The following CYB5R4 variants were observed in gnomAD, a reference collection of about 807,000 sequenced individuals.
The protein encoded by CYB5R4 is cytochrome b5 reductase 4, also known as N-terminal cytochrome b5 and cytochrome b5 oxidoreductase domain-containing protein.
Under a neutral mutation model 70.2 loss-of-function variants are expected in CYB5R4, and 55 were observed. The ratio of observed to expected loss-of-function variants is 0.78; its 90% CI spans 0.63 to 0.98. The LOEUF is 0.98. Among genes scored for constraint, CYB5R4 ranks in the 50% least tolerant of loss-of-function variants. The pLI is 0.00. For synonymous variants in CYB5R4, 197 were observed against 199.5 expected (o/e 0.99, Z 0.11); for missense variants, 562 against 612.6 (o/e 0.92, Z 0.87).
At chr6:83,925,667 G>A (rs1276094733) in intron 10 of CYB5R4, among the ~76,000 whole-genome samples, 1 of 152,168 alleles carries the variant, frequency 6.6e-6, no homozygotes, top group South Asian at 2.1e-4. Flanking sequence ...CATCCTTCAT[G>A]CTGGGTATAC....
In CYB5R4 at chr6:83,965,101, G is replaced by A. The variant is rs2099473857; in HGVS notation, c.*5223G>A. The A allele has an allele frequency of 6.6e-6, 1 of 152,274 alleles. No homozygotes were observed. The highest frequency in any genetic ancestry group is 1.5e-5 in the Non-Finnish European group (1 of 68,098). 9.4% of individuals were successfully genotyped at this position (152,274 alleles called of 1,614,324 possible). Reference sequence around the variant, plus strand: ...ACCTCGGCTAGGGCAGTGCAGAAGGGAAATGTGGGGTTGGAGCCCCCTCAC... The same window carrying A: ...ACCTCGGCTAGGGCAGTGCAGAAGGAAAATGTGGGGTTGGAGCCCCCTCAC... On this transcript the variant is annotated 3_prime_UTR_variant, in exon 16 of 16. Coordinates refer to ENST00000369681, the MANE Select transcript of CYB5R4 (RefSeq NM_016230.4).
At chr6:83,868,563 A>C (rs1415007960) in intron 2 of CYB5R4, among the ~76,000 whole-genome samples, 1 of 152,188 alleles carries the variant, frequency 6.6e-6, no homozygotes, top group East Asian at 1.9e-4. Flanking sequence ...AATTATTGTA[A>C]TGCAGTAGTA....
At position 83,965,015 on chromosome 6, in the gene CYB5R4, G is replaced by A. The variant is rs1404269354; in HGVS notation, c.*5137G>A. The A allele has an allele frequency of 6.6e-6, 1 of 152,270 alleles. No individual in the cohort carries two copies. Among genetic ancestry groups the A allele is most frequent in the East Asian group, 1.9e-4 (1 of 5,194 alleles). The allele number at this position is 152,270 out of a possible 1,614,324, so 9.4% of individuals were successfully genotyped here. A position where few individuals can be genotyped will look rare whatever the true frequency, so the allele number is the denominator to read the frequency against. The stretch of plus-strand genomic sequence containing the variant: ...AACCTCTGTCTAGATTTCAGAAGAT[G>A]TATGGAAATGCCTGGATGCCCAGGC... On this transcript the variant is annotated 3_prime_UTR_variant, in exon 16 of 16. Coordinates refer to ENST00000369681, the MANE Select transcript of CYB5R4 (RefSeq NM_016230.4).
At chr6:83,948,643 T>C (rs9344380) in intron 14 of CYB5R4, among the ~76,000 whole-genome samples, 23,777 of 152,208 alleles carry the variant, frequency 0.16, 3,412 homozygotes, top group African/African-American at 0.37. Context: ...AAATTTTATT[T>C]TTTTAGGAAT....
chr6:83,889,923 G>C (rs912949680), intron 2 of CYB5R4, among the ~76,000 whole-genome samples: 1 of 152,076 alleles, frequency 6.6e-6, no homozygotes, highest in Non-Finnish European at 1.5e-5. Context: ...CTCTCATGAA[G>C]ACAGCACCAA....
At chr6:83,860,037 C>G (rs985522715) in intron 1 of CYB5R4, among the ~76,000 whole-genome samples, 180 bp downstream of exon 1, 1 of 152,152 alleles carries the variant, frequency 6.6e-6, no homozygotes, top group African/African-American at 2.4e-5. Context: ...CTCTCCTTAC[C>G]TCCTCCCTTT....
chr6:83,920,547 A>G (rs187323528), intron 7 of CYB5R4, among the ~76,000 whole-genome samples: 378 of 152,298 alleles, frequency 2.5e-3, no homozygotes, highest in African/African-American at 7.5e-3. Flanking sequence ...GTATTCATTG[A>G]ATAATATAAA....
intron 15 of CYB5R4, among the ~76,000 whole-genome samples, chr6:83,957,880 A>G (rs1036468027): frequency 4.2e-4 from 64 of 152,150 alleles, no homozygotes; most frequent in African/African-American, 1.4e-3. Context: ...CTCAGTTAGG[A>G]CTCATTTCTT....
At chr6:83,935,346 C>T (rs993081012) in intron 11 of CYB5R4, among the ~76,000 whole-genome samples, 1 of 151,962 alleles carries the variant, frequency 6.6e-6, no homozygotes, top group Non-Finnish European at 1.5e-5. Flanking sequence ...TTCTGGCAGT[C>T]GTCTAAAATG....
chr6:83,923,339 A>G (rs2099466720), intron 9 of CYB5R4, among the ~76,000 whole-genome samples: 1 of 152,150 alleles, frequency 6.6e-6, no homozygotes, highest in Non-Finnish European at 1.5e-5. Flanking sequence ...TTTTCCGTAT[A>G]TCATTATAGG....
intron 14 of CYB5R4, among the ~76,000 whole-genome samples, chr6:83,942,614 AC>A (rs2099469946): frequency 6.6e-6 from 1 of 152,110 alleles, no homozygotes; most frequent in Non-Finnish European, 1.5e-5. Context: ...GAGAGACAGA[AC>A]CATTCACTCC....
rs1588556863 is a variant in CYB5R4, at chr6:83,864,081, ATTTATAGAAGTG to A, written c.76-91_76-80del. On this transcript the variant is annotated intron_variant, in intron 1 of 15. Coordinates refer to ENST00000369681, the MANE Select transcript of CYB5R4 (RefSeq NM_016230.4). ...GACAGCCTCTTAAAACTGTAAAAGGATTTATAGAAGTGTTAGATTTGAGTTTTATTATCTTTT... is the reference window on the plus strand; with the variant it reads ...GACAGCCTCTTAAAACTGTAAAAGGATTAGATTTGAGTTTTATTATCTTTT... 7 of 1,146,980 alleles carry A rather than the reference ATTTATAGAAGTG, an allele frequency of 6.1e-6. No homozygotes were observed. The East Asian group carries it at 1.8e-4, about 30-fold the overall frequency. The allele number at this position is 1,146,980 out of a possible 1,614,324, so 71.1% of individuals were successfully genotyped here. A position where few individuals can be genotyped will look rare whatever the true frequency, so the allele number is the denominator to read the frequency against.
intron 5 of CYB5R4, among the ~76,000 whole-genome samples, chr6:83,917,771 G>C (rs1366598521): frequency 6.6e-6 from 1 of 152,056 alleles, no homozygotes; most frequent in Non-Finnish European, 1.5e-5. Context: ...TGTTACTCTT[G>C]AGGCAGGGGT....
At chr6:83,859,905 C>T (rs1013997483) in intron 1 of CYB5R4, 48 bp downstream of exon 1, 12 of 1,542,172 alleles carry the variant, frequency 7.8e-6, no homozygotes, top group Non-Finnish European at 1.1e-5. Flanking sequence ...GTTTCGAGCT[C>T]TGGCAGTGTG....
intron 2 of CYB5R4, among the ~76,000 whole-genome samples, chr6:83,879,578 G>T (rs1411881917): frequency 6.6e-6 from 1 of 152,112 alleles, no homozygotes; most frequent in East Asian, 1.9e-4. Flanking sequence ...TACCCTGGCA[G>T]TAGCTCATTA....
intron 11 of CYB5R4, among the ~76,000 whole-genome samples, chr6:83,935,322 G>C (rs2099468756): frequency 6.6e-6 from 1 of 152,016 alleles, no homozygotes; most frequent in South Asian, 2.1e-4. Context: ...AAATTCTCCT[G>C]TCAGCTGTAG....
intron 10 of CYB5R4, among the ~76,000 whole-genome samples, chr6:83,931,147 A>G (rs906237551): frequency 6.6e-6 from 1 of 152,228 alleles, no homozygotes; most frequent in Admixed American, 6.5e-5. Context: ...CATTGCATCC[A>G]CAACTTGGCT....
In CYB5R4 at chr6:83,964,915, AAAGCCTT is replaced by A. The variant is rs1249575896; in HGVS notation, c.*5045_*5051del. Reference sequence around the variant, plus strand: ...GCTCAGGCCATGGCTTCAGAGGGTGAAAGCCTTAAGCCTTGGCAACTTCCATGTGATG... The same window carrying A: ...GCTCAGGCCATGGCTTCAGAGGGTGAAAGCCTTGGCAACTTCCATGTGATG... On this transcript the variant is annotated 3_prime_UTR_variant, in exon 16 of 16. Coordinates refer to ENST00000369681, the MANE Select transcript of CYB5R4 (RefSeq NM_016230.4). 1 of 152,222 alleles carries A rather than the reference AAAGCCTT, an allele frequency of 6.6e-6. No individual in the cohort carries two copies. The highest frequency in any genetic ancestry group is 6.5e-5 in the Admixed American group (1 of 15,276). The allele number at this position is 152,222 out of a possible 1,614,324, so 9.4% of individuals were successfully genotyped here.
At chr6:83,860,121 G>A (rs556920912) in intron 1 of CYB5R4, among the ~76,000 whole-genome samples, 1 of 151,616 alleles carries the variant, frequency 6.6e-6, no homozygotes, top group South Asian at 2.1e-4. Context: ...CCTTTCCCGC[G>A]ATTTAAATTT....
Sources: gnomAD v4.1 joint callset for allele counts (sites outside exome capture counted in the v4.1 genomes callset) on GRCh38, gnomAD v4.1.1 for gene constraint, MANE v1.5 for transcripts, NCBI Gene and HGNC (gene_info 2026-07-23, HGNC 2026-07-21) for gene names.